Variants in STXBP3 observed in about 807,000 individuals in gnomAD.
STXBP3 encodes the protein syntaxin binding protein 3, also known as syntaxin-binding protein 3.
Under a neutral mutation model 85.7 loss-of-function variants are expected in STXBP3, and 41 were observed. The ratio of observed to expected loss-of-function variants is 0.48; its 90% CI spans 0.37 to 0.62. The LOEUF (loss-of-function observed/expected upper bound fraction) is 0.62. STXBP3 is among the 20% of genes least tolerant of loss of function. The pLI is 0.00. For synonymous variants in STXBP3, 229 were observed against 231.7 expected (o/e 0.99, Z 0.10); for missense variants, 563 against 703.1 (o/e 0.80, Z 2.25).
In STXBP3 at chr1:108,753,060, A is replaced by G; in HGVS notation, c.100-3A>G. The G allele has an allele frequency of 6.4e-7, 1 of 1,559,410 alleles. No individual in the cohort carries two copies. The highest frequency in any genetic ancestry group is 1.2e-5 in the South Asian group (1 of 81,854). ...GTATTTTTAAATTTGTGTTTGTTTTAAGATAATGCTTTTAGATGAATTTAC... is the reference window on the plus strand; with the variant it reads ...GTATTTTTAAATTTGTGTTTGTTTTGAGATAATGCTTTTAGATGAATTTAC... On this transcript the variant is annotated splice_polypyrimidine_tract_variant and splice_region_variant and intron_variant, in intron 2 of 18. Transcript: ENST00000370008.
At position 108,752,317 on chromosome 1, in the gene STXBP3, C is replaced by T. The variant is rs2101101634; in HGVS notation, c.99+11C>T. Reference sequence around the variant, plus strand: ...GAAGGCGAATGGAAGGTAGAGTTTGCATACCTTGCTCTTATAAAAAATAAT... The same window carrying T: ...GAAGGCGAATGGAAGGTAGAGTTTGTATACCTTGCTCTTATAAAAAATAAT... On this transcript the variant is annotated intron_variant, in intron 2 of 18. Coordinates refer to ENST00000370008, the MANE Select transcript of STXBP3 (RefSeq NM_007269.4). 1.2e-6 allele frequency: 2 copies of T among 1,609,562 alleles called. No individual in the cohort carries two copies. Among genetic ancestry groups the T allele is most frequent in the East Asian group, 2.2e-5 (1 of 44,700 alleles).
At chr1:108,773,938 A>G (rs1031790177) in intron 7 of STXBP3, among the ~76,000 whole-genome samples, 2 of 152,148 alleles carry the variant, frequency 1.3e-5, no homozygotes, top group African/African-American at 2.4e-5. Context: ...GAACATATCC[A>G]TCTAACCCTA....
At chr1:108,770,872 T>G (rs1396180216) in intron 6 of STXBP3, among the ~76,000 whole-genome samples, 1 of 152,158 alleles carries the variant, frequency 6.6e-6, no homozygotes, top group Non-Finnish European at 1.5e-5. Context: ...GGTTTTGCTG[T>G]ACATACGTAC....
At chr1:108,807,666 TC>T (rs1663370392) in intron 18 of STXBP3, 117 bp downstream of exon 18, 2 of 1,020,536 alleles carry the variant, frequency 2.0e-6, no homozygotes, top group Non-Finnish European at 2.8e-6. Flanking sequence ...AACCTCCGCC[TC>T]CCAGGTTCAA....
rs116100581 is a variant in STXBP3 at position 108,753,200 on chromosome 1, G to A, written c.181+56G>A. ...TAATTGTAATTGGGGGAGATCTGAG[G>A]TATTAAATTTTAGTTAGTAGTTGTG... On this transcript the variant is annotated intron_variant, in intron 3 of 18. Transcript: ENST00000370008. 1.0e-3 allele frequency: 1,308 copies of A among 1,296,278 alleles called. 6 individuals are homozygous for A. The highest frequency in any genetic ancestry group is 8.1e-3 in the Middle Eastern group (41 of 5,080). 80.3% of individuals were successfully genotyped at this position (1,296,278 alleles called of 1,614,324 possible).
At chr1:108,795,571 T>G (rs971200576) in intron 13 of STXBP3, among the ~76,000 whole-genome samples, 1 of 152,070 alleles carries the variant, frequency 6.6e-6, no homozygotes, top group Non-Finnish European at 1.5e-5. Flanking sequence ...GTATAAAAAG[T>G]TATTAATTAG....
At chr1:108,801,722 G>A (rs781281776) in intron 17 of STXBP3, among the ~76,000 whole-genome samples, 4 of 151,450 alleles carry the variant, frequency 2.6e-5, no homozygotes, top group Non-Finnish European at 5.9e-5. Flanking sequence ...GTGCAGGAGT[G>A]CAGTGGCATG....
At chr1:108,766,943 T>C in intron 6 of STXBP3, 2 of 535,450 alleles carry the variant, frequency 3.7e-6, no homozygotes. Flanking sequence ...TCAGTGGCAC[T>C]ATTCCAATTT....
chr1:108,792,342 T>C (rs1299461260), intron 11 of STXBP3, among the ~76,000 whole-genome samples: 1 of 152,236 alleles, frequency 6.6e-6, no homozygotes, highest in Non-Finnish European at 1.5e-5. Context: ...GGGAGTTTCT[T>C]TGTTTTTACA....
intron 16 of STXBP3, among the ~76,000 whole-genome samples, chr1:108,799,525 G>T (rs1053262917): frequency 2.6e-5 from 4 of 152,000 alleles, no homozygotes; most frequent in Non-Finnish European, 5.9e-5. Context: ...CTCCCTTCTT[G>T]CAGTCTTACT....
rs369349345 is a variant in STXBP3, at chr1:108,756,706, T to G, written c.198T>G (p.Tyr66Ter). Reference protein sequence around the residue: ...EEGITVVENIYKNREPVRQMK... With the variant: ...EEGITVVENI ...TCTTGTTAGTTGTAGAGAATATTTA[T>G]AAGAACCGTGAACCTGTCAGACAAA... is the stretch of plus-strand genomic sequence containing the variant. The change falls in exon 4 of 19, where the codon TAT (tyrosine) becomes TAG (stop). Residue 66 changes from tyrosine (Y) to a stop codon, truncating the protein, a stop_gained. Coordinates refer to ENST00000370008, the MANE Select transcript of STXBP3 (RefSeq NM_007269.4). LOFTEE classifies it high-confidence loss of function. The G allele has an allele frequency of 6.3e-7, 1 of 1,579,778 alleles. No homozygotes were observed. Among genetic ancestry groups the G allele is most frequent in the Non-Finnish European group, 8.6e-7 (1 of 1,161,600 alleles).
At chr1:108,807,361 T>G (rs774551199) in intron 17 of STXBP3, 40 bp from the exon 18 acceptor site, 1 of 1,579,722 alleles carries the variant, frequency 6.3e-7, no homozygotes, top group Non-Finnish European at 8.6e-7. Context: ...TGGAAATGTT[T>G]ATAACATGTT....
chr1:108,757,339 C>G (rs1249651723), intron 4 of STXBP3, among the ~76,000 whole-genome samples: 2 of 151,962 alleles, frequency 1.3e-5, no homozygotes, highest in African/African-American at 4.8e-5. Flanking sequence ...CTCACTTATT[C>G]CCATGTAGAA....
chr1:108,760,827 A>G (rs1029650819), intron 6 of STXBP3, among the ~76,000 whole-genome samples: 3 of 152,200 alleles, frequency 2.0e-5, no homozygotes, highest in African/African-American at 7.2e-5. Context: ...TATGATCAAT[A>G]TTTTAAGGGA....
chr1:108,785,567 C>T (rs929399071), intron 11 of STXBP3, among the ~76,000 whole-genome samples: 19 of 152,060 alleles, frequency 1.2e-4, no homozygotes, highest in Non-Finnish European at 2.5e-4. Context: ...ACATTTTCCC[C>T]GTTGTTTTGG....
chr1:108,770,576 A>G (rs1662369917), intron 6 of STXBP3, among the ~76,000 whole-genome samples: 1 of 152,158 alleles, frequency 6.6e-6, no homozygotes, highest in Non-Finnish European at 1.5e-5. Flanking sequence ...GTGCTGGGTT[A>G]TGTCCAGAGA....
intron 17 of STXBP3, among the ~76,000 whole-genome samples, chr1:108,805,528 G>T: frequency 6.6e-6 from 1 of 150,648 alleles, no homozygotes. Flanking sequence ...AGGTTCAAGC[G>T]ATTCTTCTGC....
chr1:108,807,333 C>T, intron 17 of STXBP3, 68 bp from the exon 18 acceptor site: 3 of 1,472,052 alleles, frequency 2.0e-6, no homozygotes, highest in East Asian at 5.3e-5. Flanking sequence ...CTTTTTAAGT[C>T]TACAAGCATT....
At chr1:108,750,669 A>G (rs1661880982) in intron 1 of STXBP3, among the ~76,000 whole-genome samples, 1 of 152,224 alleles carries the variant, frequency 6.6e-6, no homozygotes, top group Non-Finnish European at 1.5e-5. Flanking sequence ...CTAGTTAGCT[A>G]GGAACACTAG....
Sources: gnomAD v4.1 joint callset for allele counts (sites outside exome capture counted in the v4.1 genomes callset) on GRCh38, gnomAD v4.1.1 for gene constraint, MANE v1.5 for transcripts, NCBI Gene and HGNC (gene_info 2026-07-23, HGNC 2026-07-21) for gene names.